The following MAMLD1 variants were observed in gnomAD, a reference collection of about 807,000 sequenced individuals.
The protein encoded by MAMLD1 is mastermind-like domain-containing protein 1.
In MAMLD1, 14 loss-of-function variants were observed where a neutral mutation model predicts 45.0. The ratio of observed to expected loss-of-function variants is 0.31; its 90% CI spans 0.21 to 0.49. The LOEUF (loss-of-function observed/expected upper bound fraction) is 0.49, where lower values mean the gene tolerates loss of function less well. Among genes scored for constraint, MAMLD1 ranks in the 20% least tolerant of loss-of-function variants. The probability of loss-of-function intolerance (pLI) is 0.99; values close to 1 mark genes in which losing one functional copy is unlikely to be tolerated. For missense variants in MAMLD1, 543 were observed against 603.6 expected, an observed-to-expected ratio of 0.90 and a Z score of 1.05; for synonymous variants, 254 against 247.8, an observed-to-expected ratio of 1.02 and a Z score of -0.24.
At position 150,512,398 on chromosome X, in the gene MAMLD1, T is replaced by C. The variant is rs1350866179; in HGVS notation, c.*439T>C. 4.4e-6 allele frequency: 5 copies of C among 1,146,324 alleles called. No homozygotes were observed. The African/African-American group carries it at 9.0e-5, about 21-fold the overall frequency. The allele number at this position is 1,146,324 out of a possible 1,213,427, so 94.5% of individuals were successfully genotyped here. A position where few individuals can be genotyped will look rare whatever the true frequency, so the allele number is the denominator to read the frequency against. ...GGCCTAGTGTGCCAAGAATGCCCAC[T>C]GCGTTCAACAATGCTGCATGGGTCA... On this transcript the variant is annotated 3_prime_UTR_variant, in exon 8 of 8. Transcript: ENST00000370401.
chrX:150,434,522 T>C lies in MAMLD1; in HGVS notation c.-63-10932T>C, dbSNP rs1373995458. ...GATGTTAGGTTGTTAATTTAAGATC[T>C]TTCTAACTTTTTGATGTGGACACTT... On this transcript the variant is annotated intron_variant, in intron 1 of 7. Coordinates refer to ENST00000370401, the MANE Select transcript of MAMLD1 (RefSeq NM_005491.5). 3.6e-5 allele frequency among the ~76,000 whole-genome samples: 4 copies of C among 111,613 alleles called. No homozygotes were observed. In the Admixed American group the frequency reaches 3.8e-4, roughly 11 times the overall value.
At chrX:150,504,030 C>T in intron 6 of MAMLD1, 8 of 754,105 alleles carry the variant, frequency 1.1e-5, no homozygotes, top group Non-Finnish European at 1.3e-5. Flanking sequence ...CCAGGACTCC[C>T]ACACCCTAGA....
intron 1 of MAMLD1, among the ~76,000 whole-genome samples, chrX:150,432,364 G>A (rs1427195848): frequency 8.9e-6 from 1 of 111,869 alleles, no homozygotes; most frequent in African/African-American, 3.2e-5. Flanking sequence ...CATTTCGTAG[G>A]TTATCTGTTC....
chrX:150,412,484 C>T (rs2034147421), intron 1 of MAMLD1, among the ~76,000 whole-genome samples: 1 of 110,985 alleles, frequency 9.0e-6, no homozygotes, highest in African/African-American at 3.3e-5. Context: ...CCAGCTGAAA[C>T]CTTTTAGGTG....
At chrX:150,410,511 AC>A (rs1373556919) in intron 1 of MAMLD1, among the ~76,000 whole-genome samples, 10 of 111,506 alleles carry the variant, frequency 9.0e-5, no homozygotes, top group Non-Finnish European at 1.9e-4. Flanking sequence ...CTGCACCATG[AC>A]AATGTTTCAC....
intron 1 of MAMLD1, among the ~76,000 whole-genome samples, chrX:150,423,713 C>T (rs1557403686): frequency 9.0e-6 from 1 of 110,901 alleles, no homozygotes. Context: ...CACACACCAA[C>T]TTTGGTGGTC....
chrX:150,370,226 G>A (rs1316393130), intron 1 of MAMLD1, among the ~76,000 whole-genome samples: 6 of 110,164 alleles, frequency 5.4e-5, no homozygotes, highest in African/African-American at 1.7e-4. Flanking sequence ...CAACGCCACC[G>A]AGGGGTAACC....
intron 1 of MAMLD1, among the ~76,000 whole-genome samples, chrX:150,430,625 G>A (rs1294697069): frequency 7.2e-5 from 8 of 111,848 alleles, no homozygotes; most frequent in African/African-American, 2.3e-4. Flanking sequence ...TTAGCTCAAT[G>A]ATCACTTTGA....
intron 1 of MAMLD1, among the ~76,000 whole-genome samples, chrX:150,365,402 C>T (rs1040981919): frequency 8.9e-6 from 1 of 112,847 alleles, no homozygotes. Flanking sequence ...GCGGCCGGGA[C>T]GGCCGAGTGG....
At chrX:150,409,834 G>T (rs1557402776) in intron 1 of MAMLD1, among the ~76,000 whole-genome samples, 1 of 112,673 alleles carries the variant, frequency 8.9e-6, no homozygotes, top group Admixed American at 9.4e-5. Context: ...CTGTCAAAAT[G>T]TACCTGTTTT....
intron 1 of MAMLD1, among the ~76,000 whole-genome samples, chrX:150,432,601 G>A (rs143194891): frequency 0.037 from 4,187 of 111,899 alleles, 78 homozygotes; most frequent in Non-Finnish European, 0.059. Flanking sequence ...TCTATATGGT[G>A]TAAGGAAGGG....
At chrX:150,389,011 A>G (rs1230644619) in intron 1 of MAMLD1, among the ~76,000 whole-genome samples, 2 of 111,239 alleles carry the variant, frequency 1.8e-5, no homozygotes, top group Non-Finnish European at 3.8e-5. Context: ...CATGTCCCAC[A>G]TGTCTTTATA....
chrX:150,489,101 A>G (rs1887293639), intron 5 of MAMLD1, among the ~76,000 whole-genome samples: 1 of 112,507 alleles, frequency 8.9e-6, no homozygotes, highest in African/African-American at 3.2e-5. Context: ...CTACAGAATA[A>G]CAATAAAACT....
At chrX:150,362,836 A>T (rs1195236943), upstream of MAMLD1, 2 of 112,668 alleles carry the variant, frequency 1.8e-5, no homozygotes, top group Non-Finnish European at 3.8e-5. Context: ...TAGGCAAGCC[A>T]GCTGACGCCG....
intron 1 of MAMLD1, among the ~76,000 whole-genome samples, chrX:150,372,877 G>T (rs1325194057): frequency 8.9e-6 from 1 of 111,881 alleles, no homozygotes; most frequent in African/African-American, 3.3e-5. Context: ...CCCACCAGGG[G>T]AGCACCAGAC....
In MAMLD1 at chrX:150,471,249, C is replaced by T; in HGVS notation, c.1676C>T (p.Ser559Phe). Reference sequence around the variant, plus strand: ...GAGCCGGGTCCCCAGAAGATGCCCTCCATGCCTACCACCTCTAGGCAGCCT... The same window carrying T: ...GAGCCGGGTCCCCAGAAGATGCCCTTCATGCCTACCACCTCTAGGCAGCCT... Reference protein sequence around the residue: ...VSEPGPQKMPSMPTTSRQPSL... With the variant: ...VSEPGPQKMPFMPTTSRQPSL... The change falls in exon 4 of 8, where the codon TCC becomes TTC. Residue 559 changes from serine (S) to phenylalanine (F), a missense_variant. Ser to Phe is a radical substitution (Grantham distance 155). Transcript: ENST00000370401. 1 of 1,211,761 alleles carries T rather than the reference C, an allele frequency of 8.3e-7. No homozygotes were observed. Among genetic ancestry groups the T allele is most frequent in the Non-Finnish European group, 1.1e-6 (1 of 895,522 alleles).
intron 5 of MAMLD1, 89 bp downstream of exon 5, chrX:150,473,891 G>A (rs782540778): frequency 4.3e-5 from 42 of 985,428 alleles, no homozygotes; most frequent in Middle Eastern, 2.6e-4. Flanking sequence ...CTGGCTCAGA[G>A]GGAGAATTCT....
chrX:150,451,958 C>G (rs1160368565), intron 2 of MAMLD1, among the ~76,000 whole-genome samples: 1 of 111,876 alleles, frequency 8.9e-6, no homozygotes, highest in Non-Finnish European at 1.9e-5. Context: ...AGTCCCCATC[C>G]AGAGGCAGGG....
chrX:150,441,437 A>G (rs1313535749), intron 1 of MAMLD1, among the ~76,000 whole-genome samples: 1 of 109,958 alleles, frequency 9.1e-6, no homozygotes, highest in Non-Finnish European at 1.9e-5. Context: ...AGTTTTATAC[A>G]TTATCATCTC....
Sources: allele counts gnomAD v4.1 joint callset (sites outside exome capture counted in the v4.1 genomes callset), GRCh38; gene constraint gnomAD v4.1.1; transcripts MANE v1.5; gene names NCBI Gene and HGNC (gene_info 2026-07-23, HGNC 2026-07-21).